CDC42BPG: variants seen among roughly 807,000 people sequenced by gnomAD.
The protein encoded by CDC42BPG is CDC42 binding protein kinase gamma.
A neutral mutation model predicts 192.2 loss-of-function variants in CDC42BPG; 157 were observed. That is an observed-to-expected ratio of 0.82 (90% CI 0.72 to 0.93). The LOEUF (loss-of-function observed/expected upper bound fraction) is 0.93, where lower values mean the gene tolerates loss of function less well. Ranked by LOEUF, CDC42BPG falls within the 40% of genes least tolerant of loss-of-function variation. The probability of loss-of-function intolerance (pLI) is 0.00; values close to 1 mark genes in which losing one functional copy is unlikely to be tolerated. For missense variants in CDC42BPG, 1,992 were observed against 2,122.1 expected, an observed-to-expected ratio of 0.94 and a Z score of 1.20; for synonymous variants, 981 against 918.5, an observed-to-expected ratio of 1.07 and a Z score of -1.23.
chr11:64,834,989 T>C (rs1592705755), intron 17 of CDC42BPG, 26 bp from the exon 18 acceptor site: 3 of 1,613,144 alleles, frequency 1.9e-6, no homozygotes, highest in Non-Finnish European at 2.5e-6. Context: ...CTCAGGGTCA[T>C]GGGCTGGGCC....
chr11:64,833,201 G>T, intron 24 of CDC42BPG, 30 bp downstream of exon 24: 1 of 1,496,996 alleles, frequency 6.7e-7, no homozygotes, highest in Non-Finnish European at 9.1e-7. Flanking sequence ...CTGGGACCGT[G>T]GCTGGAGCAT....
chr11:64,836,776 T>C lies in CDC42BPG; in HGVS notation c.1347A>G (p.Leu449=), dbSNP rs769259116. Residue 449 remains leucine, a synonymous_variant, in exon 11 of 37, where the codon CTA becomes CTG. Transcript: ENST00000342711. ...APTDHRELEQ[L]RKEVQTLRDR... The stretch of plus-strand genomic sequence containing the variant: ...CCCGCAGAGTCTGCACTTCCTTCCG[T>C]AGCTGCTCCAGCTCCCGATGGTCTG... The C allele has an allele frequency of 2.7e-6, 4 of 1,500,948 alleles. No homozygotes were observed. The highest frequency in any genetic ancestry group is 2.7e-6 in the Non-Finnish European group (3 of 1,106,908). The allele number at this position is 1,500,948 out of a possible 1,614,324, so 93.0% of individuals were successfully genotyped here.
Position 64,836,710 on chromosome 11 carries a change from G to GT in CDC42BPG, c.1384+28_1384+29insA, listed in dbSNP as rs71049666. 25 of 704,848 alleles carry GT rather than the reference G, an allele frequency of 3.5e-5. 1 individual carries two copies. Among genetic ancestry groups the GT allele is most frequent in the South Asian group, 3.2e-4 (16 of 50,032 alleles). The allele number at this position is 704,848 out of a possible 1,614,324, so 43.7% of individuals were successfully genotyped here. On this transcript the variant is annotated intron_variant, in intron 11 of 36. Transcript: ENST00000342711. ...AGCCCAGGTGGGACTCAGCCCTGGG[G>GT]GGGGGGGGGGGGTGGGCGGAAGGGA...
At position 64,834,293 on chromosome 11, in the gene CDC42BPG, C is replaced by A; in HGVS notation, c.2386G>T (p.Glu796Ter). ...ALQQELAMLR[E>*]ELRARGPVDT... is the part of the protein sequence containing the mutation. ...ACTGGCCCTCGGGCCCGCAGCTCCTCCCGCAGCATGGCGAGCTCCTGTTGC... is the reference window on the plus strand; with the variant it reads ...ACTGGCCCTCGGGCCCGCAGCTCCTACCGCAGCATGGCGAGCTCCTGTTGC... Residue 796 changes from glutamate (E) to a stop codon, truncating the protein, a stop_gained, in exon 20 of 37, where the codon GAG (glutamate) becomes TAG (stop). Coordinates refer to ENST00000342711, the MANE Select transcript of CDC42BPG (RefSeq NM_017525.3). LOFTEE classifies it high-confidence loss of function. 1 of 1,579,092 alleles carries A rather than the reference C, an allele frequency of 6.3e-7. No individual in the cohort carries two copies. Among genetic ancestry groups the A allele is most frequent in the Admixed American group, 1.8e-5 (1 of 56,646 alleles).
rs765171479 is a variant in CDC42BPG at position 64,833,719 on chromosome 11, T to G, written c.2565+19A>C. ...AGGGCGGGGCCCAGGCCCCCTACGA[T>G]GGACCCACCTGTCCTCACCCCCATG... On this transcript the variant is annotated intron_variant, in intron 22 of 36. Coordinates refer to ENST00000342711, the MANE Select transcript of CDC42BPG (RefSeq NM_017525.3). 1 of 1,613,782 alleles carries G rather than the reference T, an allele frequency of 6.2e-7. No individual in the cohort carries two copies. Among genetic ancestry groups the G allele is most frequent in the South Asian group, 1.1e-5 (1 of 91,076 alleles).
Position 64,826,767 on chromosome 11 carries a change from G to A in CDC42BPG, c.4417C>T (p.Arg1473Cys), listed in dbSNP as rs1159718559. ...PAPEEKGRVA[R>C]GSGPQRPHSF... is the part of the protein sequence containing the mutation. The stretch of plus-strand genomic sequence containing the variant: ...TGGGGCCGCTGTGGGCCGGAGCCGC[G>A]GGCAACTCGGCCCTTCTCTTCGGGA... Residue 1473 changes from arginine (R) to cysteine (C), a missense_variant, in exon 35 of 37, where the codon CGC becomes TGC. Arg to Cys is a radical substitution (Grantham distance 180). This residue lies in a region of CDC42BPG where 336 missense variants were observed against 277.9 expected (regional missense o/e 1.21). Coordinates refer to ENST00000342711, the MANE Select transcript of CDC42BPG (RefSeq NM_017525.3). The A allele has an allele frequency of 1.1e-5, 16 of 1,522,910 alleles. No individual in the cohort carries two copies. The highest frequency in any genetic ancestry group is 1.3e-5 in the Non-Finnish European group (15 of 1,136,416). The allele number at this position is 1,522,910 out of a possible 1,614,324, so 94.3% of individuals were successfully genotyped here. A position where few individuals can be genotyped will look rare whatever the true frequency, so the allele number is the denominator to read the frequency against.
In CDC42BPG at chr11:64,838,887, G is replaced by A; in HGVS notation, c.892C>T (p.Pro298Ser). Residue 298 changes from proline (P) to serine (S), a missense_variant, in exon 8 of 37, where the codon CCC becomes TCC. Coordinates refer to ENST00000342711, the MANE Select transcript of CDC42BPG (RefSeq NM_017525.3). ...IMNHEDHLQF[P>S]PDVPDVPASA... The stretch of plus-strand genomic sequence containing the variant: ...GCTGGCACGTCAGGCACGTCCGGGG[G>A]GAACTGCAGGTGGTCCTGTGGGTCG... The A allele has an allele frequency of 1.2e-6, 2 of 1,609,472 alleles. No homozygotes were observed. The highest frequency in any genetic ancestry group is 1.7e-6 in the Non-Finnish European group (2 of 1,179,758).
Position 64,826,804 on chromosome 11 carries a change from G to A in CDC42BPG, c.4390-10C>T, listed in dbSNP as rs1183815808. 6.7e-7 allele frequency: 1 copy of A among 1,490,694 alleles called. No homozygotes were observed. The highest frequency in any genetic ancestry group is 8.9e-7 in the Non-Finnish European group (1 of 1,122,212). The allele number at this position is 1,490,694 out of a possible 1,614,324, so 92.3% of individuals were successfully genotyped here. On this transcript the variant is annotated splice_polypyrimidine_tract_variant and intron_variant, in intron 34 of 36. Coordinates refer to ENST00000342711, the MANE Select transcript of CDC42BPG (RefSeq NM_017525.3). Reference sequence around the variant, plus strand: ...CCTTCTCTTCGGGAGCCTGTTGGGTGACAGTGCGGAGGGGCTGGGACTAGC... The same window carrying A: ...CCTTCTCTTCGGGAGCCTGTTGGGTAACAGTGCGGAGGGGCTGGGACTAGC...
Position 64,829,831 on chromosome 11 carries a change from C to A in CDC42BPG, c.3607G>T (p.Val1203Leu), listed in dbSNP as rs1942601069. The change falls in exon 30 of 37, where the codon GTG becomes TTG. Residue 1203 changes from valine to leucine, a missense_variant. Coordinates refer to ENST00000342711, the MANE Select transcript of CDC42BPG (RefSeq NM_017525.3). The stretch of plus-strand genomic sequence containing the variant: ...CCCGGGCCCAGCTGGTAGCAGAGCA[C>A]CTGGCGCTTGACGGCTACACAGAGC... ...PVLCVAVKRQ[V>L]LCYQLGPGPG... 6.2e-7 allele frequency: 1 copy of A among 1,605,774 alleles called. No homozygotes were observed.
Position 64,831,562 on chromosome 11 carries a change from CCTT to C in CDC42BPG, c.3244_3246del (p.Lys1082del), listed in dbSNP as rs752891446. ...AGCGGCAGCCCGTTGTCGTAAGCCTCCTTGAGTGTGTACACGGGCCGGGGTCTT... is the reference window on the plus strand; with the variant it reads ...AGCGGCAGCCCGTTGTCGTAAGCCTCGAGTGTGTACACGGGCCGGGGTCTT... On this transcript the variant is annotated inframe_deletion, in exon 28 of 37. Coordinates refer to ENST00000342711, the MANE Select transcript of CDC42BPG (RefSeq NM_017525.3). 1.9e-6 allele frequency: 3 copies of C among 1,612,678 alleles called. No homozygotes were observed. Among genetic ancestry groups the C allele is most frequent in the South Asian group, 1.1e-5 (1 of 91,056 alleles).
intron 1 of CDC42BPG, among the ~76,000 whole-genome samples, chr11:64,843,322 C>T (rs1370889819): frequency 6.6e-6 from 1 of 152,016 alleles, no homozygotes; most frequent in Non-Finnish European, 1.5e-5. Context: ...TGCAAACACA[C>T]ACACGTGTGT....
In CDC42BPG at chr11:64,824,202, C is replaced by T. The variant is rs577547564; in HGVS notation, c.*271G>A. The T allele has an allele frequency of 5.7e-6, 3 of 525,296 alleles. No homozygotes were observed. Among genetic ancestry groups the T allele is most frequent in the East Asian group, 3.4e-5 (1 of 29,850 alleles). 32.5% of individuals were successfully genotyped at this position (525,296 alleles called of 1,614,324 possible). ...GGAAATAAGAGCTTTGGCACAATCA[C>T]CCCTGGACACCAGAACAAAAGGGGC... On this transcript the variant is annotated 3_prime_UTR_variant, in exon 37 of 37. Transcript: ENST00000342711.
chr11:64,835,017 T>TGGCCCCCCCCCCCCCCCCCCCCCCC, intron 17 of CDC42BPG, 30 bp downstream of exon 17: 1 of 1,571,954 alleles, frequency 6.4e-7, no homozygotes, highest in Non-Finnish European at 8.7e-7. Flanking sequence ...TCGCCTGCGT[T>TGGCCCCCCCCCCCCCCCCCCCCCCC]CCCCACCCCG....
rs1942472834 is a variant in CDC42BPG at position 64,827,276 on chromosome 11, A to G, written c.4271+2T>C. ...CTCAGCCCCCGCGTCGTGCACGCGC[A>G]CCTGCGCTGCTGCTTCTGCTGCTCC... On this transcript the variant is annotated splice_donor_variant, in intron 33 of 36. Transcript: ENST00000342711. LOFTEE classifies it high-confidence loss of function. The G allele has an allele frequency of 1.2e-6, 2 of 1,613,384 alleles. No individual in the cohort carries two copies. Among genetic ancestry groups the G allele is most frequent in the Admixed American group, 3.3e-5 (2 of 59,980 alleles).
Position 64,833,292 on chromosome 11 carries a change from G to A in CDC42BPG, c.2670C>T (p.Thr890=), listed in dbSNP as rs1209599289. The A allele has an allele frequency of 1.9e-6, 3 of 1,545,402 alleles. No individual in the cohort carries two copies. Among genetic ancestry groups the A allele is most frequent in the Non-Finnish European group, 2.6e-6 (3 of 1,145,218 alleles). The part of the protein sequence containing the change: ...TLRPRSFPSP[T]KCLRCTSLML... ...TCAGCGAGGTGCAGCGGAGACACTT[G>A]GTCGGGGATGGGAAGCTCCGGGGGC... is the stretch of plus-strand genomic sequence containing the variant. Residue 890 remains threonine, a synonymous_variant, in exon 24 of 37, where the codon ACC becomes ACT. Coordinates refer to ENST00000342711, the MANE Select transcript of CDC42BPG (RefSeq NM_017525.3).
intron 30 of CDC42BPG, 69 bp downstream of exon 30, chr11:64,829,402 G>A (rs1490033626): frequency 4.0e-5 from 62 of 1,560,490 alleles, no homozygotes; most frequent in Non-Finnish European, 5.3e-5. Flanking sequence ...ATGAGTTGAG[G>A]CGGGACCCTG....
chr11:64,834,589 G>C lies in CDC42BPG; in HGVS notation c.2176-12C>G, dbSNP rs375798710. The C allele has an allele frequency of 1.3e-6, 2 of 1,544,524 alleles. No individual in the cohort carries two copies. Among genetic ancestry groups the C allele is most frequent in the African/African-American group, 1.4e-5 (1 of 72,960 alleles). On this transcript the variant is annotated splice_polypyrimidine_tract_variant and intron_variant, in intron 18 of 36. Coordinates refer to ENST00000342711, the MANE Select transcript of CDC42BPG (RefSeq NM_017525.3). ...TTCCACTGGTGGTCCTGGTGGCCAC[G>C]GAGCACCCGTATAAGATGCTTTCTA...
intron 16 of CDC42BPG, 26 bp from the exon 17 acceptor site, chr11:64,835,179 G>A: frequency 1.2e-6 from 2 of 1,602,036 alleles, no homozygotes; most frequent in Non-Finnish European, 1.7e-6. Context: ...GGAAAGGTCA[G>A]CCCCAGGCCC....
Position 64,834,318 on chromosome 11 carries a change from C to G in CDC42BPG, c.2361G>C (p.Leu787=). The change falls in exon 20 of 37, where the codon CTG becomes CTC. Residue 787 remains leucine, a synonymous_variant. Transcript: ENST00000342711. The part of the protein sequence containing the change: ...LQEAEKQSQA[L]QQELAMLREE... ...CCCGCAGCATGGCGAGCTCCTGTTG[C>G]AGGGCCTGGCTCTGCTTCTCGGCCT... 6.3e-7 allele frequency: 1 copy of G among 1,578,154 alleles called. No individual in the cohort carries two copies. Among genetic ancestry groups the G allele is most frequent in the Non-Finnish European group, 8.6e-7 (1 of 1,166,290 alleles).
Sources: allele counts gnomAD v4.1 joint callset (sites outside exome capture counted in the v4.1 genomes callset), GRCh38; gene constraint gnomAD v4.1.1; regional missense constraint gnomAD v4.1.1; transcripts MANE v1.5; gene names NCBI Gene and HGNC (gene_info 2026-07-23, HGNC 2026-07-21).